The following LDHAL6B variants were observed in gnomAD, a reference collection of about 807,000 sequenced individuals.
LDHAL6B encodes L-lactate dehydrogenase A-like 6B.
For synonymous variants in LDHAL6B, 205 were observed against 170.6 expected (o/e 1.20, Z -1.57); for missense variants, 523 against 473.9 (o/e 1.10, Z -0.96).
At position 59,207,044 on chromosome 15, in the gene LDHAL6B, G is replaced by A. The variant is rs761177222; in HGVS notation, c.104G>A (p.Arg35His). The A allele has an allele frequency of 8.1e-6, 13 of 1,614,228 alleles. No homozygotes were observed. The highest frequency in any genetic ancestry group is 6.6e-5 in the South Asian group (6 of 91,090). ...GCCCTGTGTCCGCGTCAAGCAACGC[G>A]CATCCCGCTCAACGGCACCTGGCTC... ...GMALCPRQAT[R>H]IPLNGTWLFT... is the part of the protein sequence containing the mutation. Residue 35 changes from arginine to histidine, a missense_variant, in exon 1 of 1, where the codon CGC (arginine) becomes CAC (histidine). By Grantham distance (29) the Arg-to-His change is conservative (BLOSUM62 0). Transcript: ENST00000307144.
At chr15:59,207,799 G>GT in the LDHAL6B span, 2 of 1,614,180 alleles carry the variant, frequency 1.2e-6, no homozygotes, top group South Asian at 2.2e-5. Context: ...GACTGCAACT[G>GT]CCTATGAGAT....
In LDHAL6B at chr15:59,207,512, T is replaced by C; in HGVS notation, c.572T>C (p.Ile191Thr). The change falls in exon 1 of 1, where the codon ATC becomes ACC. Residue 191 changes from isoleucine (I) to threonine (T), a missense_variant. Ile to Thr is a moderately conservative substitution (Grantham distance 89). Coordinates refer to ENST00000307144, the MANE Select transcript of LDHAL6B (RefSeq NM_033195.3). The stretch of plus-strand genomic sequence containing the variant: ...ATTATTGTTTCCAATCCAGTGGATA[T>C]CTTAACTTATGTAGCTTGGAAGTTG... ...KLIIVSNPVD[I>T]LTYVAWKLSA... is the part of the protein sequence containing the mutation. 8.1e-6 allele frequency: 13 copies of C among 1,614,048 alleles called. No individual in the cohort carries two copies. The highest frequency in any genetic ancestry group is 1.1e-5 in the Non-Finnish European group (13 of 1,179,920).
rs2079855300 is a variant in LDHAL6B at position 59,208,502 on chromosome 15, T to C, written c.*416T>C. ...TTCTTCTACAATGTAAAAATAAATG[T>C]ACATACAAAAAAATGCAGTAGTATA... On this transcript the variant is annotated 3_prime_UTR_variant, in exon 1 of 1. Transcript: ENST00000307144. 5.6e-6 allele frequency: 4 copies of C among 716,692 alleles called. No homozygotes were observed. Among genetic ancestry groups the C allele is most frequent in the Middle Eastern group, 3.2e-4 (1 of 3,100 alleles). The allele number at this position is 716,692 out of a possible 1,614,324, so 44.4% of individuals were successfully genotyped here.
rs1351309372 is a variant in LDHAL6B, at chr15:59,208,070, A to C, written c.1130A>C (p.Asn377Thr). 2 of 1,582,348 alleles carry C rather than the reference A, an allele frequency of 1.3e-6. No homozygotes were observed. Among genetic ancestry groups the C allele is most frequent in the East Asian group, 2.2e-5 (1 of 44,760 alleles). The change falls in exon 1 of 1, where the codon AAT becomes ACT. Residue 377 changes from asparagine to threonine, a missense_variant. Transcript: ENST00000307144. ...GCAAAAACACTCTGGGAAATTCAGA[A>C]TAAGCTTAAGCTTTAAAGTTGCCTA... ...KSAKTLWEIQNKLKL is the reference protein window; with the variant it reads ...KSAKTLWEIQTKLKL
Position 59,207,951 on chromosome 15 carries a change from C to G in LDHAL6B, c.1011C>G (p.Phe337Leu), listed in dbSNP as rs1203437622. 1 of 1,613,912 alleles carries G rather than the reference C, an allele frequency of 6.2e-7. No individual in the cohort carries two copies. The highest frequency in any genetic ancestry group is 8.5e-7 in the Non-Finnish European group (1 of 1,179,914). ...TCTATGGAATAGATGAAGAAGTATT[C>G]CTCAGTATTCCTTGTATCCTGGGAG... Reference protein sequence around the residue: ...KGLYGIDEEVFLSIPCILGEN... With the variant: ...KGLYGIDEEVLLSIPCILGEN... Residue 337 changes from phenylalanine (F) to leucine (L), a missense_variant, in exon 1 of 1, where the codon TTC becomes TTG. Physicochemically the swap from Phe to Leu is conservative, Grantham distance 22. Coordinates refer to ENST00000307144, the MANE Select transcript of LDHAL6B (RefSeq NM_033195.3).
In LDHAL6B at chr15:59,207,018, G is replaced by T; in HGVS notation, c.78G>T (p.Met26Ile). The T allele has an allele frequency of 6.2e-7, 1 of 1,614,228 alleles. No homozygotes were observed. The highest frequency in any genetic ancestry group is 1.7e-5 in the Admixed American group (1 of 60,022). ...SVGANFLCLG[M>I]ALCPRQATRI... ...GAGCGAATTTCCTATGCCTGGGGAT[G>T]GCCCTGTGTCCGCGTCAAGCAACGC... The change falls in exon 1 of 1, where the codon ATG (methionine) becomes ATT (isoleucine). Residue 26 changes from methionine (M) to isoleucine (I), a missense_variant. Coordinates refer to ENST00000307144, the MANE Select transcript of LDHAL6B (RefSeq NM_033195.3).
chr15:59,208,175 A>C lies in LDHAL6B; in HGVS notation c.*89A>C. On this transcript the variant is annotated 3_prime_UTR_variant, in exon 1 of 1. Coordinates refer to ENST00000307144, the MANE Select transcript of LDHAL6B (RefSeq NM_033195.3). ...AATTTTGAATAAACTTGAATTCCTA[A>C]AAGATGGAAACAGGAAAGTAGGTAG... The C allele has an allele frequency of 8.2e-7, 1 of 1,218,328 alleles. No homozygotes were observed. Among genetic ancestry groups the C allele is most frequent in the Non-Finnish European group, 1.1e-6 (1 of 881,674 alleles). 75.5% of individuals were successfully genotyped at this position (1,218,328 alleles called of 1,614,324 possible).
rs775396580 is a variant in LDHAL6B at position 59,206,950 on chromosome 15, A to C, written c.10A>C (p.Thr4Pro). Residue 4 changes from threonine (T) to proline (P), a missense_variant, in exon 1 of 1, where the codon ACT becomes CCT. Coordinates refer to ENST00000307144, the MANE Select transcript of LDHAL6B (RefSeq NM_033195.3). MSW[T>P]VPVVRASQRV... ...TCTTCAGTGAGCAGCCATGAGTTGGACTGTGCCTGTTGTGCGGGCCAGCCA... is the reference window on the plus strand; with the variant it reads ...TCTTCAGTGAGCAGCCATGAGTTGGCCTGTGCCTGTTGTGCGGGCCAGCCA... 6.2e-7 allele frequency: 1 copy of C among 1,612,764 alleles called. No individual in the cohort carries two copies. Among genetic ancestry groups the C allele is most frequent in the South Asian group, 1.1e-5 (1 of 90,914 alleles).
Position 59,207,299 on chromosome 15 carries a change from T to C in LDHAL6B, c.359T>C (p.Phe120Ser), listed in dbSNP as rs749680261. 6.2e-6 allele frequency: 10 copies of C among 1,614,158 alleles called. No individual in the cohort carries two copies. In the East Asian group the frequency reaches 2.2e-4, roughly 36 times the overall value. The change falls in exon 1 of 1, where the codon TTC (phenylalanine) becomes TCC (serine). Residue 120 changes from phenylalanine (F) to serine (S), a missense_variant. Transcript: ENST00000307144. ...ETMDLQHGSP[F>S]TKMPNIVCSK... ...ATGGATCTTCAACATGGCAGCCCTTTCACGAAAATGCCAAATATTGTTTGT... is the reference window on the plus strand; with the variant it reads ...ATGGATCTTCAACATGGCAGCCCTTCCACGAAAATGCCAAATATTGTTTGT...
chr15:59,206,988 G>A lies in LDHAL6B; in HGVS notation c.48G>A (p.Ser16=), dbSNP rs1330048115. The change falls in exon 1 of 1, where the codon TCG becomes TCA. Residue 16 remains serine, a synonymous_variant. Transcript: ENST00000307144. ...PVVRASQRVS[S]VGANFLCLGM... ...TGCGGGCCAGCCAGAGAGTGAGCTC[G>A]GTGGGAGCGAATTTCCTATGCCTGG... 6 of 1,614,142 alleles carry A rather than the reference G, an allele frequency of 3.7e-6. No homozygotes were observed. The highest frequency in any genetic ancestry group is 5.1e-6 in the Non-Finnish European group (6 of 1,179,998).
In LDHAL6B at chr15:59,206,868, C is replaced by A; in HGVS notation, c.-73C>A. ...AGAGTGCTGAAGGTCCTGCCAACGGCTCTCTTGGCGTCTCAACGTTCGGAT... is the reference window on the plus strand; with the variant it reads ...AGAGTGCTGAAGGTCCTGCCAACGGATCTCTTGGCGTCTCAACGTTCGGAT... On this transcript the variant is annotated 5_prime_UTR_variant, in exon 1 of 1. Transcript: ENST00000307144. The A allele has an allele frequency of 6.8e-7, 1 of 1,477,280 alleles. No homozygotes were observed. Among genetic ancestry groups the A allele is most frequent in the Non-Finnish European group, 9.1e-7 (1 of 1,096,484 alleles). The allele number at this position is 1,477,280 out of a possible 1,614,324, so 91.5% of individuals were successfully genotyped here. A position where few individuals can be genotyped will look rare whatever the true frequency, so the allele number is the denominator to read the frequency against.
Position 59,207,468 on chromosome 15 carries a change from C to T in LDHAL6B, c.528C>T (p.Tyr176=), listed in dbSNP as rs750843607. 1.2e-6 allele frequency: 2 copies of T among 1,614,028 alleles called. No homozygotes were observed. The highest frequency in any genetic ancestry group is 1.7e-5 in the Admixed American group (1 of 60,012). Residue 176 remains tyrosine (Y), a synonymous_variant, in exon 1 of 1, where the codon TAC becomes TAT. Transcript: ENST00000307144. The part of the protein sequence containing the change: ...FKLMISSIVQ[Y]SPHCKLIIVS... ...TAATGATTTCCAGTATTGTCCAGTA[C>T]AGCCCCCACTGCAAACTGATTATTG...
Position 59,207,563 on chromosome 15 carries a change from T to A in LDHAL6B, c.623T>A (p.Ile208Asn). 6.2e-7 allele frequency: 1 copy of A among 1,614,130 alleles called. No homozygotes were observed. Among genetic ancestry groups the A allele is most frequent in the Non-Finnish European group, 8.5e-7 (1 of 1,179,992 alleles). Reference sequence around the variant, plus strand: ...AGTGCATTTCCCAAAAACCGTATTATTGGAAGCGGCTGTAATCTGGATACT... The same window carrying A: ...AGTGCATTTCCCAAAAACCGTATTAATGGAAGCGGCTGTAATCTGGATACT... ...KLSAFPKNRI[I>N]GSGCNLDTAR... The change falls in exon 1 of 1, where the codon ATT becomes AAT. Residue 208 changes from isoleucine (I) to asparagine (N), a missense_variant. Physicochemically the swap from Ile to Asn is moderately radical, Grantham distance 149 (BLOSUM62 -3). Coordinates refer to ENST00000307144, the MANE Select transcript of LDHAL6B (RefSeq NM_033195.3).
Position 59,207,887 on chromosome 15 carries a change from T to C in LDHAL6B, c.947T>C (p.Leu316Pro). The change falls in exon 1 of 1, where the codon CTT (leucine) becomes CCT (proline). Residue 316 changes from leucine to proline, a missense_variant. Physicochemically the swap from Leu to Pro is moderately conservative, Grantham distance 98 (BLOSUM62 -3). Transcript: ENST00000307144. ...ADLTESILKN[L>P]RRIHPVSTII... Reference sequence around the variant, plus strand: ...TTAACAGAAAGTATTTTGAAGAATCTTAGGAGAATACATCCAGTTTCCACC... The same window carrying C: ...TTAACAGAAAGTATTTTGAAGAATCCTAGGAGAATACATCCAGTTTCCACC... 3 of 1,614,172 alleles carry C rather than the reference T, an allele frequency of 1.9e-6. No homozygotes were observed. The highest frequency in any genetic ancestry group is 2.5e-6 in the Non-Finnish European group (3 of 1,180,014).
At position 59,207,374 on chromosome 15, in the gene LDHAL6B, C is replaced by G. The variant is rs761598983; in HGVS notation, c.434C>G (p.Ala145Gly). 75 of 1,613,898 alleles carry G rather than the reference C, an allele frequency of 4.6e-5. No homozygotes were observed. The highest frequency in any genetic ancestry group is 4.7e-5 in the Non-Finnish European group (56 of 1,179,920). Residue 145 changes from alanine (A) to glycine (G), a missense_variant, in exon 1 of 1, where the codon GCA becomes GGA. Physicochemically the swap from Ala to Gly is moderately conservative, Grantham distance 60. Transcript: ENST00000307144. ...TANSNLVIIT[A>G]GARQEKGETR... Reference sequence around the variant, plus strand: ...AACTCCAACCTAGTGATTATCACAGCAGGTGCACGCCAAGAAAAGGGAGAA... The same window carrying G: ...AACTCCAACCTAGTGATTATCACAGGAGGTGCACGCCAAGAAAAGGGAGAA...
chr15:59,207,784 G>T, the LDHAL6B span: 1 of 1,614,182 alleles, frequency 6.2e-7, no homozygotes. Context: ...TGTCCACAAA[G>T]AAGTGACTGC....
Position 59,207,069 on chromosome 15 carries a change from C to T in LDHAL6B, c.129C>T (p.Leu43=). The change falls in exon 1 of 1, where the codon CTC becomes CTT. Residue 43 remains leucine (L), a synonymous_variant. Transcript: ENST00000307144. ...ATRIPLNGTW[L]FTPVSKMATV... Reference sequence around the variant, plus strand: ...GCATCCCGCTCAACGGCACCTGGCTCTTCACCCCCGTGAGCAAGATGGCGA... The same window carrying T: ...GCATCCCGCTCAACGGCACCTGGCTTTTCACCCCCGTGAGCAAGATGGCGA... The T allele has an allele frequency of 6.2e-7, 1 of 1,614,226 alleles. No individual in the cohort carries two copies.
Position 59,207,673 on chromosome 15 carries a change from T to A in LDHAL6B, c.733T>A (p.Ser245Thr), listed in dbSNP as rs1380451955. ...ATGGATCCTCGGAGAGCATGGAGAC[T>A]CAAGTGTTCCTGTGTGGAGTGGAGT... ...HGWILGEHGDSSVPVWSGVNI... is the reference protein window; with the variant it reads ...HGWILGEHGDTSVPVWSGVNI... The change falls in exon 1 of 1, where the codon TCA becomes ACA. Residue 245 changes from serine to threonine, a missense_variant. By Grantham distance (58) the Ser-to-Thr change is moderately conservative. Coordinates refer to ENST00000307144, the MANE Select transcript of LDHAL6B (RefSeq NM_033195.3). The A allele has an allele frequency of 6.2e-7, 1 of 1,614,210 alleles. No homozygotes were observed.
Position 59,207,629 on chromosome 15 carries a change from A to G in LDHAL6B, c.689A>G (p.His230Arg). The change falls in exon 1 of 1, where the codon CAT becomes CGT. Residue 230 changes from histidine (H) to arginine (R), a missense_variant. By Grantham distance (29) the His-to-Arg change is conservative. Transcript: ENST00000307144. ...RFLIGQKLGI[H>R]SESCHGWILG... is the part of the protein sequence containing the mutation. ...TTGATTGGACAAAAGCTTGGTATCCATTCTGAAAGCTGCCATGGATGGATC... is the reference window on the plus strand; with the variant it reads ...TTGATTGGACAAAAGCTTGGTATCCGTTCTGAAAGCTGCCATGGATGGATC... The G allele has an allele frequency of 5.0e-6, 8 of 1,614,198 alleles. No individual in the cohort carries two copies. Among genetic ancestry groups the G allele is most frequent in the Non-Finnish European group, 6.8e-6 (8 of 1,180,018 alleles).
Sources: gnomAD v4.1 joint callset for allele counts on GRCh38, gnomAD v4.1.1 for gene constraint, MANE v1.5 for transcripts, NCBI Gene and HGNC (gene_info 2026-07-23, HGNC 2026-07-21) for gene names.